DHRS4L2: variants seen among roughly 807,000 people sequenced by gnomAD.
The protein encoded by DHRS4L2 is dehydrogenase/reductase SDR family member 4-like 2.
In DHRS4L2, 22 loss-of-function variants were observed where a neutral mutation model predicts 23.9. That is an observed-to-expected ratio of 0.92 (90% CI 0.66 to 1.31). The LOEUF (loss-of-function observed/expected upper bound fraction) is 1.31, where lower values mean the gene tolerates loss of function less well. Among genes scored for constraint, DHRS4L2 ranks in the 40% most tolerant of loss-of-function variants. The probability of loss-of-function intolerance (pLI) is 0.00; values close to 1 mark genes in which losing one functional copy is unlikely to be tolerated. For synonymous variants in DHRS4L2, 141 were observed against 123.7 expected (o/e 1.14, Z -0.93); for missense variants, 385 against 303.3 (o/e 1.27, Z -2.00).
At chr14:23,986,154 C>A (rs569592440), upstream of DHRS4L2, among the ~76,000 whole-genome samples, 8 of 151,182 alleles carry the variant, frequency 5.3e-5, 1 homozygote, top group Admixed American at 4.6e-4. Flanking sequence ...ACCATGCCCA[C>A]CCCAAGATTT....
chr14:24,001,548 G>A, intron 6 of DHRS4L2, 31 bp downstream of exon 6: 1 of 1,597,444 alleles, frequency 6.3e-7, no homozygotes. Flanking sequence ...ATTTGACTGG[G>A]ACCCCTTGAA....
At chr14:23,983,667 G>A (rs2034091291) in intron 1 of DHRS4L2, among the ~76,000 whole-genome samples, 1 of 151,684 alleles carries the variant, frequency 6.6e-6, no homozygotes, top group South Asian at 2.1e-4. Context: ...TAAAGAAAAT[G>A]GGGCACATAT....
rs1227410640 is a variant in DHRS4L2 at position 24,003,937 on chromosome 14, A to C, written c.666-400A>C. Among the ~76,000 whole-genome samples, 9 of 82,830 alleles carry C rather than the reference A, an allele frequency of 1.1e-4. 2 individuals carry two copies. 54.3% of individuals were successfully genotyped at this position (82,830 alleles called of 152,430 possible). A position where few individuals can be genotyped will look rare whatever the true frequency, so the allele number is the denominator to read the frequency against. ...AATCATGTCGTCTGCAAACAGGGAC[A>C]ATTTGACTTCCTCTTTTCCTAATTG... On this transcript the variant is annotated intron_variant, in intron 6 of 7. Coordinates refer to ENST00000335125, the MANE Select transcript of DHRS4L2 (RefSeq NM_198083.4).
chr14:23,991,015 G>C (rs192220810), intron 2 of DHRS4L2: 1 of 485,504 alleles, frequency 2.1e-6, no homozygotes, highest in Admixed American at 6.4e-5. Flanking sequence ...GTGGACAACA[G>C]CCTTGCAGCT....
intron 1 of DHRS4L2, among the ~76,000 whole-genome samples, chr14:23,972,331 CA>C (rs1375893731): frequency 6.6e-6 from 1 of 151,942 alleles, no homozygotes; most frequent in Non-Finnish European, 1.5e-5. Flanking sequence ...GTGAGTGTTA[CA>C]GCTCTTAAGG....
chr14:23,977,433 T>C (rs892474824), intron 1 of DHRS4L2, among the ~76,000 whole-genome samples: 4 of 151,706 alleles, frequency 2.6e-5, no homozygotes, highest in African/African-American at 9.7e-5. Flanking sequence ...TGTGTTACCA[T>C]TTTATCACTG....
At chr14:23,971,391 GA>G (rs1238623666) in intron 1 of DHRS4L2, among the ~76,000 whole-genome samples, 2 of 152,034 alleles carry the variant, frequency 1.3e-5, no homozygotes, top group Admixed American at 6.5e-5. Context: ...TCAAGTGGAA[GA>G]AAGGATATCA....
intron 1 of DHRS4L2, among the ~76,000 whole-genome samples, chr14:23,975,111 AG>A (rs1417065822): frequency 6.6e-6 from 1 of 151,748 alleles, no homozygotes; most frequent in African/African-American, 2.4e-5. Context: ...GAAGAAATAA[AG>A]GGTATTCAAT....
intron 1 of DHRS4L2, among the ~76,000 whole-genome samples, chr14:23,980,936 T>A (rs1235740373): frequency 9.2e-5 from 14 of 151,578 alleles, no homozygotes; most frequent in Admixed American, 9.2e-4. Flanking sequence ...TTCAACATAC[T>A]ATTGGAAGTT....
rs996547449 is a variant in DHRS4L2 at position 23,991,920 on chromosome 14, G to A, written c.306+1561G>A. Among the ~76,000 whole-genome samples, 11 of 151,326 alleles carry A rather than the reference G, an allele frequency of 7.3e-5. No homozygotes were observed. The East Asian group carries it at 2.1e-3, about 29-fold the overall frequency. On this transcript the variant is annotated intron_variant, in intron 2 of 7. Coordinates refer to ENST00000335125, the MANE Select transcript of DHRS4L2 (RefSeq NM_198083.4). Reference sequence around the variant, plus strand: ...CCAGCTAATTTTTGTATTTTTAGTAGAGACGGGGTTTCACCATGTTGGCCA... The same window carrying A: ...CCAGCTAATTTTTGTATTTTTAGTAAAGACGGGGTTTCACCATGTTGGCCA...
intron 1 of DHRS4L2, among the ~76,000 whole-genome samples, chr14:23,977,116 A>G (rs1183160542): frequency 6.6e-6 from 1 of 151,876 alleles, no homozygotes; most frequent in Non-Finnish European, 1.5e-5. Flanking sequence ...TAAAAAAAGA[A>G]ATTCTAGATA....
intron 3 of DHRS4L2, among the ~76,000 whole-genome samples, chr14:23,995,802 A>C (rs2034370511): frequency 6.6e-6 from 1 of 151,770 alleles, no homozygotes; most frequent in Admixed American, 6.6e-5. Context: ...GTCTTTGTTT[A>C]TTAAGGTTAA....
rs748800221 is a variant in DHRS4L2 at position 23,995,051 on chromosome 14, G to T, written c.326G>T (p.Gly109Val). 4.3e-6 allele frequency: 7 copies of T among 1,612,808 alleles called. No homozygotes were observed. Among genetic ancestry groups the T allele is most frequent in the Admixed American group, 3.3e-5 (2 of 59,966 alleles). ...CTCTAGGCTGTGAAGCTTCATGGAG[G>T]TATCGATATCCTAGTCTCCAATGCT... The part of the protein sequence containing the change: ...LVAMAVKLHG[G>V]IDILVSNAAV... The change falls in exon 3 of 8, where the codon GGT (glycine) becomes GTT (valine). Residue 109 changes from glycine (G) to valine (V), a missense_variant. Gly to Val is a moderately radical substitution (Grantham distance 109). Transcript: ENST00000335125.
intron 3 of DHRS4L2, among the ~76,000 whole-genome samples, chr14:23,996,663 TTC>T (rs1566498534): frequency 4.2e-5 from 6 of 141,556 alleles, no homozygotes; most frequent in African/African-American, 8.5e-5. Context: ...TTTTTTTTTT[TTC>T]CCCCTCGCTG....
chr14:23,974,464 G>C (rs990032316), intron 1 of DHRS4L2, among the ~76,000 whole-genome samples: 1 of 151,314 alleles, frequency 6.6e-6, no homozygotes, highest in African/African-American at 2.4e-5. Context: ...GAATCCAGGA[G>C]CTGGATTTTT....
chr14:23,993,948 C>T (rs1007306460), intron 2 of DHRS4L2, among the ~76,000 whole-genome samples: 6 of 151,456 alleles, frequency 4.0e-5, no homozygotes, highest in Non-Finnish European at 8.8e-5. Flanking sequence ...AGCTTTGTGC[C>T]CTGAAAAAAT....
chr14:23,992,158 T>C (rs1594467693), intron 2 of DHRS4L2, among the ~76,000 whole-genome samples: 2 of 151,612 alleles, frequency 1.3e-5, no homozygotes, highest in African/African-American at 4.8e-5. Context: ...AAGATGGTTA[T>C]TAGGAAAGCT....
At position 24,001,015 on chromosome 14, in the gene DHRS4L2, G is replaced by C. The variant is rs777620382; in HGVS notation, c.480-18G>C. 1 of 1,611,564 alleles carries C rather than the reference G, an allele frequency of 6.2e-7. No individual in the cohort carries two copies. Among genetic ancestry groups the C allele is most frequent in the Non-Finnish European group, 8.5e-7 (1 of 1,179,494 alleles). ...GTGGTCCACACTGGGAAGACGGTCA[G>C]CTCTCTTCTTTTTCCAGAGGCGGCT... On this transcript the variant is annotated intron_variant, in intron 4 of 7. Coordinates refer to ENST00000335125, the MANE Select transcript of DHRS4L2 (RefSeq NM_198083.4).
chr14:23,998,071 T>C (rs2034417498), intron 3 of DHRS4L2, among the ~76,000 whole-genome samples: 1 of 151,946 alleles, frequency 6.6e-6, no homozygotes, highest in Admixed American at 6.6e-5. Context: ...TTAATCTCCT[T>C]GTACATCTCC....
Sources: gnomAD v4.1 joint callset for allele counts (sites outside exome capture counted in the v4.1 genomes callset) on GRCh38, gnomAD v4.1.1 for gene constraint, MANE v1.5 for transcripts, NCBI Gene and HGNC (gene_info 2026-07-23, HGNC 2026-07-21) for gene names.